DNAH6: variants seen among roughly 807,000 people sequenced by gnomAD.
DNAH6 encodes dynein axonemal heavy chain 6.
A neutral mutation model predicts 491.4 loss-of-function variants in DNAH6; 340 were observed. The observed-to-expected ratio is 0.69, with a 90% CI of 0.63 to 0.76. DNAH6 has a LOEUF of 0.76. Ranked by LOEUF, DNAH6 falls within the 30% of genes least tolerant of loss-of-function variation. The probability of loss-of-function intolerance (pLI) is 0.00; values close to 1 mark genes in which losing one functional copy is unlikely to be tolerated. For missense variants in DNAH6, 4,443 were observed against 4,972.2 expected (o/e 0.89, Z 3.20); for synonymous variants, 1,603 against 1,686.1 (o/e 0.95, Z 1.21).
At chr2:84,598,914 T>A (rs1684946127) in intron 18 of DNAH6, among the ~76,000 whole-genome samples, 1 of 151,166 alleles carries the variant, frequency 6.6e-6, no homozygotes, top group Non-Finnish European at 1.5e-5. Context: ...CCTGTAGTCC[T>A]GGCTACCTGG....
chr2:84,588,248 C>T (rs1008652708), intron 15 of DNAH6, among the ~76,000 whole-genome samples: 1 of 152,218 alleles, frequency 6.6e-6, no homozygotes, highest in Non-Finnish European at 1.5e-5. Flanking sequence ...ACTAGCCTCC[C>T]TGAGCTATGG....
intron 40 of DNAH6, among the ~76,000 whole-genome samples, chr2:84,675,531 C>T (rs899162121): frequency 5.9e-5 from 9 of 152,206 alleles, no homozygotes; most frequent in African/African-American, 2.2e-4. Context: ...TCCAGCTCTC[C>T]ACTGCAAGTG....
chr2:84,703,986 T>C, intron 50 of DNAH6, 81 bp from the exon 51 acceptor site: 1 of 1,053,750 alleles, frequency 9.5e-7, no homozygotes, highest in Non-Finnish European at 1.4e-6. Flanking sequence ...AGGGCAAATA[T>C]GACTCACTAT....
chr2:84,518,984 G>T (rs1368756767), intron 2 of DNAH6, among the ~76,000 whole-genome samples: 3 of 152,106 alleles, frequency 2.0e-5, no homozygotes, highest in African/African-American at 7.2e-5. Context: ...GGTAGAGGCT[G>T]CAGTAAGCTG....
At position 84,762,847 on chromosome 2, in the gene DNAH6, C is replaced by G; in HGVS notation, c.10605C>G (p.Asp3535Glu). The G allele has an allele frequency of 6.4e-7, 1 of 1,551,072 alleles. No homozygotes were observed. The highest frequency in any genetic ancestry group is 8.7e-7 in the Non-Finnish European group (1 of 1,146,442). The change falls in exon 64 of 77, where the codon GAC (aspartate) becomes GAG (glutamate). Residue 3535 changes from aspartate (D) to glutamate (E), a missense_variant. Physicochemically the swap from Asp to Glu is conservative, Grantham distance 45 (BLOSUM62 2). This residue lies in a region of DNAH6 where 1,463 missense variants were observed against 1,656.6 expected (regional missense o/e 0.88). Transcript: ENST00000389394. Reference sequence around the variant, plus strand: ...TGGACCTGCCTACCCTGTATCAAGACATGTCATGCAACACTCCCCTGGTAT... The same window carrying G: ...TGGACCTGCCTACCCTGTATCAAGAGATGTCATGCAACACTCCCCTGGTAT... ...PPVDLPTLYQ[D>E]MSCNTPLVFI...
At chr2:84,573,158 T>C (rs1682063892) in intron 11 of DNAH6, among the ~76,000 whole-genome samples, 1 of 152,252 alleles carries the variant, frequency 6.6e-6, no homozygotes. Flanking sequence ...CTTTGCCATA[T>C]GTTTACTAGC....
At chr2:84,540,414 A>G (rs923557340) in intron 4 of DNAH6, among the ~76,000 whole-genome samples, 1 of 152,186 alleles carries the variant, frequency 6.6e-6, no homozygotes, top group African/African-American at 2.4e-5. Context: ...TTTCTGCAAT[A>G]TTAGTCTGGT....
intron 59 of DNAH6, among the ~76,000 whole-genome samples, chr2:84,720,643 G>A (rs915634146): frequency 6.6e-6 from 1 of 152,112 alleles, no homozygotes; most frequent in Non-Finnish European, 1.5e-5. Context: ...GGGTGAGTTC[G>A]TGGCTATCCA....
rs1559070088 is a variant in DNAH6, at chr2:84,812,439, CG to C, written c.11839del (p.Ala3947LeufsTer11). ...ACAGTTTCCTCAACAACCAGGTTCC[CG>C]CTCTGTGGTCCAACACAGCCTACCC... ...YNSFLNNQVP[A>X]LWSNTAYPSL... On this transcript the variant is annotated frameshift_variant, in exon 73 of 77. Coordinates refer to ENST00000389394, the MANE Select transcript of DNAH6 (RefSeq NM_001370.2). LOFTEE classifies it high-confidence loss of function. The C allele has an allele frequency of 2.6e-6, 4 of 1,551,698 alleles. No individual in the cohort carries two copies. The Admixed American group carries it at 7.8e-5, about 30-fold the overall frequency.
At chr2:84,624,642 T>C in intron 28 of DNAH6, 22 bp downstream of exon 28, 1 of 1,547,096 alleles carries the variant, frequency 6.5e-7, no homozygotes, top group East Asian at 2.4e-5. Context: ...ATCACTTGGG[T>C]TAATATTGAC....
intron 21 of DNAH6, among the ~76,000 whole-genome samples, chr2:84,607,575 C>T (rs1221499765): frequency 6.6e-6 from 1 of 152,134 alleles, no homozygotes; most frequent in South Asian, 2.1e-4. Context: ...ATACCTCAAA[C>T]CTCAGCATTA....
chr2:84,747,704 ACTACT>A (rs2105057826), intron 63 of DNAH6, among the ~76,000 whole-genome samples: 1 of 152,262 alleles, frequency 6.6e-6, no homozygotes, highest in South Asian at 2.1e-4. Context: ...TTCCGTTGAC[ACTACT>A]CTAGTAGGGT....
chr2:84,715,744 CT>C, intron 58 of DNAH6, 117 bp downstream of exon 58: 4 of 941,880 alleles, frequency 4.2e-6, no homozygotes, highest in Non-Finnish European at 6.3e-6. Context: ...CACATGAACC[CT>C]TAATCAAAAA....
chr2:84,707,427 C>G, intron 53 of DNAH6, 93 bp from the exon 54 acceptor site: 1 of 1,138,658 alleles, frequency 8.8e-7, no homozygotes, highest in East Asian at 2.6e-5. Context: ...CTAAATAATG[C>G]TATTCTGCTA....
At position 84,634,545 on chromosome 2, in the gene DNAH6, C is replaced by G; in HGVS notation, c.4557C>G (p.Ala1519=). The change falls in exon 30 of 77, where the codon GCC becomes GCG. Residue 1519 remains alanine, a synonymous_variant. Transcript: ENST00000389394. ...TCAGTGGCTTGGCACAGTCAGGGGC[C>G]TGGTGCTGCTTTGATGAATTTAATC... The part of the protein sequence containing the change: ...RFFSGLAQSG[A]WCCFDEFNRI... 6.5e-7 allele frequency: 1 copy of G among 1,549,392 alleles called. No homozygotes were observed. The highest frequency in any genetic ancestry group is 1.4e-5 in the African/African-American group (1 of 72,862).
At chr2:84,629,214 G>A (rs1366571584) in intron 29 of DNAH6, among the ~76,000 whole-genome samples, 1 of 152,116 alleles carries the variant, frequency 6.6e-6, no homozygotes, top group Admixed American at 6.6e-5. Context: ...TGTAAGCAAT[G>A]CTGCAATAAG....
At chr2:84,782,144 T>C (rs1015140108) in intron 65 of DNAH6, among the ~76,000 whole-genome samples, 4 of 152,196 alleles carry the variant, frequency 2.6e-5, no homozygotes, top group Non-Finnish European at 5.9e-5. Context: ...GCATTACTCA[T>C]AGTTGCTAGC....
At chr2:84,580,316 GCACACA>G (rs36209367) in intron 14 of DNAH6, among the ~76,000 whole-genome samples, 14,023 of 149,120 alleles carry the variant, frequency 0.094, 1,981 homozygotes, top group African/African-American at 0.31. Flanking sequence ...ACATACACAC[GCACACA>G]CACACACACA....
At chr2:84,644,195 G>T (rs1383236884) in intron 33 of DNAH6, among the ~76,000 whole-genome samples, 6 of 152,120 alleles carry the variant, frequency 3.9e-5, no homozygotes, top group Admixed American at 2.0e-4. Flanking sequence ...CTAGAGTTGG[G>T]TAATTCCCTT....
Sources: gnomAD v4.1 joint callset for allele counts (sites outside exome capture counted in the v4.1 genomes callset) on GRCh38, gnomAD v4.1.1 for gene constraint, gnomAD v4.1.1 regional missense constraint, MANE v1.5 for transcripts, NCBI Gene and HGNC (gene_info 2026-07-23, HGNC 2026-07-21) for gene names.